The following COLEC11 variants were observed in gnomAD, a reference collection of about 807,000 sequenced individuals.
COLEC11 encodes collectin subfamily member 11, also known as collectin-11.
In COLEC11, 20 loss-of-function variants were observed where a neutral mutation model predicts 27.3. That is an observed-to-expected ratio of 0.73 (90% CI 0.51 to 1.06). COLEC11 has a LOEUF of 1.06. COLEC11 is among the 50% of genes least tolerant of loss of function. COLEC11 has a pLI of 0.00. For missense variants in COLEC11, 310 were observed against 383.0 expected (o/e 0.81, Z 1.59); for synonymous variants, 163 against 154.7 (o/e 1.05, Z -0.40).
chr2:3,599,939 A>T (rs1662097960), intron 1 of COLEC11, among the ~76,000 whole-genome samples: 1 of 152,238 alleles, frequency 6.6e-6, no homozygotes, highest in African/African-American at 2.4e-5. Context: ...GTGATATCTT[A>T]TAAAACTCAA....
At chr2:3,634,960 CCCCGCTGCCCTTGGGTTCCT>C (rs1315499812) in intron 3 of COLEC11, among the ~76,000 whole-genome samples, 1 of 151,988 alleles carries the variant, frequency 6.6e-6, no homozygotes, top group East Asian at 1.9e-4. Flanking sequence ...CCCCTGCCTG[CCCCGCTGCCCTTGGGTTCCT>C]CCCCCAGCTC....
rs567603520 is a variant in COLEC11, at chr2:3,625,219, C to A, written c.202+11837C>A. Among the ~76,000 whole-genome samples the A allele has an allele frequency of 4.0e-4, 61 of 152,282 alleles. 1 individual carries two copies. Among genetic ancestry groups the A allele is most frequent in the African/African-American group, 1.4e-3 (58 of 41,552 alleles). ...TCTCCCACTTAGAAGTGGCAGCAGG[C>A]TTTTTCAGGCTCCGAGGCCTGTCCC... On this transcript the variant is annotated intron_variant, in intron 3 of 6. Coordinates refer to ENST00000349077, the MANE Select transcript of COLEC11 (RefSeq NM_024027.5).
intron 2 of COLEC11, among the ~76,000 whole-genome samples, chr2:3,613,004 C>T (rs894357415): frequency 1.4e-5 from 2 of 145,522 alleles, no homozygotes; most frequent in African/African-American, 5.7e-5. Context: ...GGAGAGCCGG[C>T]GTTTAGACGC....
intron 4 of COLEC11, among the ~76,000 whole-genome samples, chr2:3,638,038 CAG>C (rs1270383806): frequency 3.3e-5 from 5 of 152,218 alleles, no homozygotes; most frequent in Non-Finnish European, 7.3e-5. Context: ...TTGGTGAGAA[CAG>C]GGTGTGGGAT....
intron 2 of COLEC11, among the ~76,000 whole-genome samples, chr2:3,610,749 C>CAGA (rs1663127173): frequency 6.6e-6 from 1 of 152,204 alleles, no homozygotes; most frequent in East Asian, 1.9e-4. Context: ...TACCCCTGCT[C>CAGA]AGCAGCTTAG....
rs540452223 is a variant in COLEC11, at chr2:3,603,928, TC to T, written c.-26-385del. Reference sequence around the variant, plus strand: ...TCCTTTAGCTGTATCTCAGCCTCCCTCCGCTGTGCCCAGCTCTGCAGAGGCT... The same window carrying T: ...TCCTTTAGCTGTATCTCAGCCTCCCTCGCTGTGCCCAGCTCTGCAGAGGCT... On this transcript the variant is annotated intron_variant, in intron 1 of 6. Coordinates refer to ENST00000349077, the MANE Select transcript of COLEC11 (RefSeq NM_024027.5). 519 of 577,490 alleles carry T rather than the reference TC, an allele frequency of 9.0e-4. 2 individuals carry two copies. The highest frequency in any genetic ancestry group is 8.5e-3 in the African/African-American group (453 of 53,602). The allele number at this position is 577,490 out of a possible 1,614,324, so 35.8% of individuals were successfully genotyped here.
At chr2:3,627,722 C>G (rs952374357) in intron 3 of COLEC11, among the ~76,000 whole-genome samples, 1 of 151,364 alleles carries the variant, frequency 6.6e-6, no homozygotes, top group African/African-American at 2.4e-5. Context: ...TATGACGATG[C>G]TGGGCATGAT....
At chr2:3,617,806 C>A in intron 3 of COLEC11, 1 of 751,598 alleles carries the variant, frequency 1.3e-6, no homozygotes, top group Non-Finnish European at 2.3e-6. Flanking sequence ...TCCATTCCCA[C>A]CAGCAATGTC....
chr2:3,608,265 T>A (rs4850071), intron 2 of COLEC11, among the ~76,000 whole-genome samples: 112,310 of 152,104 alleles, frequency 0.74, 41,585 homozygotes, highest in South Asian at 0.88. Flanking sequence ...AGAGCTGCGT[T>A]GTGGTGATGG....
intron 1 of COLEC11, among the ~76,000 whole-genome samples, chr2:3,599,334 C>T (rs1270793826): frequency 1.3e-5 from 2 of 152,172 alleles, no homozygotes; most frequent in South Asian, 2.1e-4. Context: ...CACCACAGGA[C>T]GGCACTGAAT....
chr2:3,643,013 C>T (rs1339099666), intron 5 of COLEC11, among the ~76,000 whole-genome samples: 1 of 152,228 alleles, frequency 6.6e-6, no homozygotes, highest in Non-Finnish European at 1.5e-5. Flanking sequence ...CTCTTCCATT[C>T]CTGACAGACG....
Position 3,603,674 on chromosome 2 carries a change from C to T in COLEC11, c.-26-641C>T, listed in dbSNP as rs750372379. ...AAGAAACAAAGAGGTCAGCACGTACCCGCCCCTCCTGGGATGGTCAGATGT... is the reference window on the plus strand; with the variant it reads ...AAGAAACAAAGAGGTCAGCACGTACTCGCCCCTCCTGGGATGGTCAGATGT... On this transcript the variant is annotated intron_variant, in intron 1 of 6. Transcript: ENST00000349077. 3.8e-5 allele frequency: 59 copies of T among 1,550,872 alleles called. No individual in the cohort carries two copies. The South Asian group carries it at 6.8e-4, about 18-fold the overall frequency.
At chr2:3,634,101 G>A (rs947078820) in intron 3 of COLEC11, among the ~76,000 whole-genome samples, 49 of 152,234 alleles carry the variant, frequency 3.2e-4, no homozygotes, top group African/African-American at 1.1e-3. Flanking sequence ...TTGGGGTCAC[G>A]GCTTCAACAG....
intron 3 of COLEC11, among the ~76,000 whole-genome samples, chr2:3,615,270 G>A (rs1243163816): frequency 6.6e-6 from 1 of 152,194 alleles, no homozygotes; most frequent in Non-Finnish European, 1.5e-5. Context: ...GGTTTTCCTA[G>A]GCAGAGGACC....
intron 2 of COLEC11, 23 bp downstream of exon 2, chr2:3,604,493 G>T: frequency 6.2e-7 from 1 of 1,613,338 alleles, no homozygotes. Flanking sequence ...TGGACTCTGG[G>T]CTGCTGGGCA....
chr2:3,619,616 G>T (rs1377756701), intron 3 of COLEC11, among the ~76,000 whole-genome samples: 1 of 152,146 alleles, frequency 6.6e-6, no homozygotes, highest in Admixed American at 6.5e-5. Context: ...AATTTTGCTT[G>T]ATCATGGTGT....
intron 5 of COLEC11, chr2:3,641,113 C>T: frequency 1.9e-5 from 12 of 625,250 alleles, no homozygotes; most frequent in South Asian, 1.9e-4. Context: ...CGGTGGACAC[C>T]CACCCACCAT....
intron 4 of COLEC11, among the ~76,000 whole-genome samples, chr2:3,638,801 A>G (rs1665634788): frequency 6.6e-6 from 1 of 152,218 alleles, no homozygotes; most frequent in Admixed American, 6.5e-5. Context: ...AAACCCAAAT[A>G]ACATCATGGT....
At chr2:3,616,794 CGTGGGGAGAGGGAGAGGGAGACT>C (rs1215710819) in intron 3 of COLEC11, among the ~76,000 whole-genome samples, 3,570 of 149,954 alleles carry the variant, frequency 0.024, 150 homozygotes, top group African/African-American at 0.082. Flanking sequence ...AGAGGGAGAC[CGTGGGGAGAGGGAGAGGGAGACT>C]GTGGGGAGAG....
Sources: allele counts gnomAD v4.1 joint callset (sites outside exome capture counted in the v4.1 genomes callset), GRCh38; gene constraint gnomAD v4.1.1; transcripts MANE v1.5; gene names NCBI Gene and HGNC (gene_info 2026-07-23, HGNC 2026-07-21).